Variants in EFCAB11 observed in about 807,000 individuals in gnomAD.
EFCAB11 encodes EF-hand calcium binding domain 11.
EFCAB11 carries 14 observed loss-of-function variants against 23.0 expected under a neutral mutation model. The observed-to-expected ratio is 0.61, with a 90% confidence interval of 0.40 to 0.95. The LOEUF (loss-of-function observed/expected upper bound fraction) is 0.95, where lower values mean the gene tolerates loss of function less well. Ranked by LOEUF, EFCAB11 falls within the 40% of genes least tolerant of loss-of-function variation. EFCAB11 has a pLI of 0.00. For synonymous variants in EFCAB11, 65 were observed against 66.6 expected (o/e 0.98, Z 0.11); for missense variants, 198 against 195.8 (o/e 1.01, Z -0.07).
At chr14:89,857,434 C>T (rs909177988) in intron 5 of EFCAB11, among the ~76,000 whole-genome samples, 2 of 152,156 alleles carry the variant, frequency 1.3e-5, no homozygotes, top group Non-Finnish European at 2.9e-5. Flanking sequence ...ACACGGTTCC[C>T]GATGCCTGGC....
intron 3 of EFCAB11, among the ~76,000 whole-genome samples, chr14:89,935,384 A>C (rs1054965282): frequency 1.4e-5 from 2 of 147,194 alleles, no homozygotes; most frequent in Non-Finnish European, 3.0e-5. Flanking sequence ...AAAAAGCATT[A>C]AAATGCATGT....
chr14:89,861,290 A>G lies in EFCAB11; in HGVS notation c.411-63966T>C, dbSNP rs60676605. 5.4e-3 allele frequency among the ~76,000 whole-genome samples: 822 copies of G among 152,214 alleles called. 9 individuals carry two copies. The highest frequency in any genetic ancestry group is 0.019 in the African/African-American group (781 of 41,526). ...AACTAACCTTGACAATTCTCTTCAC[A>G]TTGCTTCCCAATATCCAATAAGCTA... On this transcript the variant is annotated intron_variant, in intron 5 of 5. Transcript: ENST00000316738.
intron 5 of EFCAB11, among the ~76,000 whole-genome samples, chr14:89,815,039 G>A (rs939135623): frequency 2.6e-5 from 4 of 152,176 alleles, no homozygotes; most frequent in African/African-American, 7.2e-5. Context: ...GGGAATATGG[G>A]ATAAACTGTA....
chr14:89,897,425 C>G (rs1566802056), intron 5 of EFCAB11, among the ~76,000 whole-genome samples: 1 of 152,036 alleles, frequency 6.6e-6, no homozygotes. Flanking sequence ...GCCAGATGGT[C>G]TTGATCTCCT....
intron 5 of EFCAB11, among the ~76,000 whole-genome samples, chr14:89,811,761 C>G (rs1319971112): frequency 3.9e-5 from 6 of 152,082 alleles, no homozygotes; most frequent in Non-Finnish European, 8.8e-5. Context: ...GATTTTAGCC[C>G]AATGATGGCC....
chr14:89,904,790 G>T (rs942057361), intron 5 of EFCAB11, among the ~76,000 whole-genome samples: 4 of 152,162 alleles, frequency 2.6e-5, no homozygotes, highest in Admixed American at 1.3e-4. Flanking sequence ...AGAAGTGTCT[G>T]TTCATATCCT....
rs1887683626 is a variant in EFCAB11, at chr14:89,854,257, T to C, written c.411-56933A>G. 2.0e-5 allele frequency among the ~76,000 whole-genome samples: 3 copies of C among 150,090 alleles called. No individual in the cohort carries two copies. In the South Asian group the frequency reaches 6.3e-4, roughly 31 times the overall value. Reference sequence around the variant, plus strand: ...AACACATTTTTTTTAAAGAGGCATTTAAGATTGCCAAATCCTAATGAGTAA... The same window carrying C: ...AACACATTTTTTTTAAAGAGGCATTCAAGATTGCCAAATCCTAATGAGTAA... On this transcript the variant is annotated intron_variant, in intron 5 of 5. Transcript: ENST00000316738.
intron 5 of EFCAB11, among the ~76,000 whole-genome samples, chr14:89,918,625 C>T (rs1022002473): frequency 1.3e-5 from 2 of 151,724 alleles, no homozygotes; most frequent in Non-Finnish European, 2.9e-5. Context: ...CAGGAAGAGG[C>T]CATGATCCTC....
At chr14:89,833,081 C>G (rs1269765619) in intron 5 of EFCAB11, 1 of 152,156 alleles carries the variant, frequency 6.6e-6, no homozygotes, top group Admixed American at 6.6e-5. Flanking sequence ...ACTTACGTTG[C>G]AAACAACGTG....
At chr14:89,887,131 G>A (rs1404867820) in intron 5 of EFCAB11, among the ~76,000 whole-genome samples, 2 of 152,144 alleles carry the variant, frequency 1.3e-5, no homozygotes, top group African/African-American at 2.4e-5. Context: ...CTGCTCTCAT[G>A]AAGCTTTATA....
At chr14:89,816,311 T>C (rs549932591) in intron 5 of EFCAB11, among the ~76,000 whole-genome samples, 2 of 152,314 alleles carry the variant, frequency 1.3e-5, no homozygotes, top group African/African-American at 4.8e-5. Flanking sequence ...TTTCTAAATA[T>C]GTTGTCAGCA....
In EFCAB11 at chr14:89,811,203, G is replaced by GAGCAC. The variant is rs1886141529; in HGVS notation, c.411-13880_411-13879insGTGCT. Among the ~76,000 whole-genome samples the GAGCAC allele has an allele frequency of 7.2e-5, 11 of 152,178 alleles. 1 individual carries two copies. The highest frequency in any genetic ancestry group is 2.7e-4 in the African/African-American group (11 of 41,506). On this transcript the variant is annotated intron_variant, in intron 5 of 5. Transcript: ENST00000316738. ...TTCAAGGAACTGAAAGAAGGCAAAT[G>GAGCAC]TAACCAGGCACAGAGTGAGGATGAG... is the stretch of plus-strand genomic sequence containing the variant.
intron 5 of EFCAB11, chr14:89,830,479 T>C (rs1286160422): frequency 6.6e-6 from 1 of 152,236 alleles, no homozygotes; most frequent in Admixed American, 6.5e-5. Flanking sequence ...TTTCTAGTAA[T>C]TCACTTTTAT....
intron 5 of EFCAB11, among the ~76,000 whole-genome samples, chr14:89,846,377 T>C (rs1039464987): frequency 2.0e-5 from 3 of 152,230 alleles, no homozygotes; most frequent in Non-Finnish European, 4.4e-5. Context: ...TCCATCATAA[T>C]GGGGAAGGAC....
chr14:89,939,698 T>C (rs1243424765), intron 3 of EFCAB11, among the ~76,000 whole-genome samples: 2 of 152,238 alleles, frequency 1.3e-5, no homozygotes, highest in African/African-American at 4.8e-5. Flanking sequence ...CATCTGGCCG[T>C]AAAAGAAGTG....
chr14:89,854,551 C>T (rs1887693114), intron 5 of EFCAB11, among the ~76,000 whole-genome samples: 1 of 152,208 alleles, frequency 6.6e-6, no homozygotes, highest in South Asian at 2.1e-4. Context: ...TGCCTACGAT[C>T]CAGCTGTCTC....
intron 5 of EFCAB11, among the ~76,000 whole-genome samples, chr14:89,883,839 T>C (rs1374933988): frequency 6.6e-6 from 1 of 152,320 alleles, no homozygotes; most frequent in East Asian, 1.9e-4. Context: ...ACAAATAATG[T>C]CCATATAGTC....
chr14:89,813,532 T>G (rs1886221144), intron 5 of EFCAB11, among the ~76,000 whole-genome samples: 1 of 151,828 alleles, frequency 6.6e-6, no homozygotes, highest in African/African-American at 2.4e-5. Context: ...TTTTTTGTTT[T>G]GTTTTGTTTT....
At chr14:89,902,913 G>A (rs375560927) in intron 5 of EFCAB11, among the ~76,000 whole-genome samples, 18 of 152,154 alleles carry the variant, frequency 1.2e-4, no homozygotes, top group East Asian at 1.9e-4. Flanking sequence ...ATCTCAATAC[G>A]TCACAGGTAT....
Sources: gnomAD v4.1 joint callset for allele counts (sites outside exome capture counted in the v4.1 genomes callset) on GRCh38, gnomAD v4.1.1 for gene constraint, MANE v1.5 for transcripts, NCBI Gene and HGNC (gene_info 2026-07-23, HGNC 2026-07-21) for gene names.